Variants in SDK1 observed in about 807,000 individuals in gnomAD.
The protein encoded by SDK1 is protein sidekick-1.
SDK1 carries 157 observed loss-of-function variants against 245.5 expected under a neutral mutation model. The observed-to-expected ratio is 0.64, with a 90% confidence interval of 0.56 to 0.73. SDK1 has a LOEUF of 0.73. SDK1 is among the 30% of genes least tolerant of loss of function. SDK1 has a pLI of 0.00. For missense variants in SDK1, 3,583 were observed against 3,002.3 expected (o/e 1.19, Z -4.52); for synonymous variants, 1,647 against 1,278.5 (o/e 1.29, Z -6.15).
At chr7:3,381,598 A>G (rs1043276221) in intron 1 of SDK1, among the ~76,000 whole-genome samples, 2 of 152,124 alleles carry the variant, frequency 1.3e-5, no homozygotes, top group African/African-American at 2.4e-5. Flanking sequence ...AGTTCTAAGG[A>G]GAGGAAGGGC....
intron 22 of SDK1, among the ~76,000 whole-genome samples, chr7:4,094,644 G>C (rs965253360): frequency 1.3e-5 from 2 of 152,220 alleles, no homozygotes; most frequent in Admixed American, 1.3e-4. Flanking sequence ...CCTCAGAGGA[G>C]GTTTCCTTTA....
In SDK1 at chr7:3,485,864, A is replaced by T. The variant is rs1447265113; in HGVS notation, c.299-133216A>T. Among the ~76,000 whole-genome samples the T allele has an allele frequency of 2.6e-5, 4 of 151,608 alleles. No individual in the cohort carries two copies. The East Asian group carries it at 5.8e-4, about 22-fold the overall frequency. On this transcript the variant is annotated intron_variant, in intron 1 of 44. Coordinates refer to ENST00000404826, the MANE Select transcript of SDK1 (RefSeq NM_152744.4). ...TCTAAAACATCTTAGGTTTTTAAAAAATCTTATTCTTTGTCCCGTTAGGAC... is the reference window on the plus strand; with the variant it reads ...TCTAAAACATCTTAGGTTTTTAAAATATCTTATTCTTTGTCCCGTTAGGAC...
At chr7:3,441,423 T>C (rs1460734947) in intron 1 of SDK1, among the ~76,000 whole-genome samples, 2 of 152,192 alleles carry the variant, frequency 1.3e-5, no homozygotes, top group East Asian at 1.9e-4. Flanking sequence ...AAAATCTCTT[T>C]TTGTGTGTGT....
chr7:3,684,234 T>A (rs1285784713), intron 4 of SDK1, among the ~76,000 whole-genome samples: 1 of 152,190 alleles, frequency 6.6e-6, no homozygotes, highest in Non-Finnish European at 1.5e-5. Flanking sequence ...TGAGAGAAGC[T>A]GTGCAAGTTA....
At chr7:3,341,567 C>G (rs539583859) in intron 1 of SDK1, among the ~76,000 whole-genome samples, 36 of 152,152 alleles carry the variant, frequency 2.4e-4, no homozygotes, top group Admixed American at 2.2e-3. Flanking sequence ...CCTAAGAAAT[C>G]TAGAAAAAAA....
chr7:3,904,044 G>C (rs1246487718), intron 5 of SDK1, among the ~76,000 whole-genome samples: 1 of 152,136 alleles, frequency 6.6e-6, no homozygotes, highest in Non-Finnish European at 1.5e-5. Flanking sequence ...CCAGCCATCA[G>C]AATTGTGAGC....
At chr7:3,711,026 G>A (rs895048301) in intron 4 of SDK1, among the ~76,000 whole-genome samples, 2 of 152,078 alleles carry the variant, frequency 1.3e-5, no homozygotes, top group Admixed American at 6.6e-5. Flanking sequence ...AAACTCTCAG[G>A]ATGTTCTTTT....
chr7:3,922,481 C>G (rs1051061929), intron 5 of SDK1, among the ~76,000 whole-genome samples: 2 of 152,210 alleles, frequency 1.3e-5, no homozygotes, highest in African/African-American at 2.4e-5. Flanking sequence ...TCACATGGAA[C>G]AAAACTCTCT....
At chr7:3,870,355 G>A (rs1345355467) in intron 5 of SDK1, among the ~76,000 whole-genome samples, 1 of 152,098 alleles carries the variant, frequency 6.6e-6, no homozygotes, top group Non-Finnish European at 1.5e-5. Context: ...CAATTTCCAG[G>A]GGAAGATGAT....
intron 22 of SDK1, among the ~76,000 whole-genome samples, chr7:4,098,824 C>CT (rs58678214): frequency 0.027 from 2,253 of 82,866 alleles, 237 homozygotes; most frequent in African/African-American, 0.046. Flanking sequence ...CCACAATGCC[C>CT]TTTTTTTTTT....
At chr7:3,353,839 C>A (rs1238429751) in intron 1 of SDK1, among the ~76,000 whole-genome samples, 1 of 152,074 alleles carries the variant, frequency 6.6e-6, no homozygotes, top group Non-Finnish European at 1.5e-5. Context: ...TTGAGCGTGT[C>A]CTGCATGTCA....
intron 22 of SDK1, among the ~76,000 whole-genome samples, chr7:4,093,104 T>A (rs993449870): frequency 1.3e-5 from 2 of 151,922 alleles, no homozygotes; most frequent in Non-Finnish European, 2.9e-5. Flanking sequence ...GATGCTCAGA[T>A]GTGGGTTGCC....
At chr7:3,596,408 C>T (rs533039550) in intron 1 of SDK1, among the ~76,000 whole-genome samples, 2 of 152,200 alleles carry the variant, frequency 1.3e-5, no homozygotes, top group Non-Finnish European at 2.9e-5. Flanking sequence ...GAAAGTGTGT[C>T]TCCATTTCTG....
At chr7:4,180,007 C>T (rs766863363) in intron 35 of SDK1, among the ~76,000 whole-genome samples, 3 of 152,006 alleles carry the variant, frequency 2.0e-5, no homozygotes, top group Non-Finnish European at 4.4e-5. Flanking sequence ...CCAGGGGGCT[C>T]AGGGCACTTG....
rs1038267435 is a variant in SDK1, at chr7:3,911,322, G to C, written c.848-39601G>C. 1.3e-3 allele frequency among the ~76,000 whole-genome samples: 204 copies of C among 152,264 alleles called. 1 individual carries two copies. Among genetic ancestry groups the C allele is most frequent in the African/African-American group, 4.8e-3 (199 of 41,556 alleles). ...CAGAATTAGGCAGCCTACTGTCTTT[G>C]TTGGGGGGCTGTAACAAAGTGCCAT... is the stretch of plus-strand genomic sequence containing the variant. On this transcript the variant is annotated intron_variant, in intron 5 of 44. Transcript: ENST00000404826.
intron 1 of SDK1, among the ~76,000 whole-genome samples, chr7:3,410,076 T>C (rs987472752): frequency 3.9e-5 from 6 of 152,150 alleles, no homozygotes; most frequent in Non-Finnish European, 8.8e-5. Flanking sequence ...ATATATAAAG[T>C]CCATAACAAT....
intron 5 of SDK1, among the ~76,000 whole-genome samples, chr7:3,947,667 C>G (rs1231325147): frequency 6.6e-6 from 1 of 150,486 alleles, no homozygotes; most frequent in East Asian, 1.9e-4. Flanking sequence ...ATATCTGTAT[C>G]TATATATCTT....
chr7:4,218,973 A>G (rs2128231091), intron 38 of SDK1, among the ~76,000 whole-genome samples: 1 of 152,154 alleles, frequency 6.6e-6, no homozygotes, highest in Non-Finnish European at 1.5e-5. Flanking sequence ...GCATATGTGT[A>G]ATTTTCAATA....
intron 5 of SDK1, among the ~76,000 whole-genome samples, chr7:3,909,704 A>AT (rs1562529412): frequency 6.6e-6 from 1 of 152,176 alleles, no homozygotes; most frequent in East Asian, 1.9e-4. Flanking sequence ...AAGTAGGAAT[A>AT]TTTTTTAATT....
Sources: allele counts gnomAD v4.1 joint callset (sites outside exome capture counted in the v4.1 genomes callset), GRCh38; gene constraint gnomAD v4.1.1; transcripts MANE v1.5; gene names NCBI Gene and HGNC (gene_info 2026-07-23, HGNC 2026-07-21).